NAV2: variants seen among roughly 807,000 people sequenced by gnomAD.
NAV2 encodes the protein neuron navigator 2, also known as helicase, APC down-regulated 1.
In NAV2, 54 loss-of-function variants were observed where a neutral mutation model predicts 223.2. That is an observed-to-expected ratio of 0.24 (90% confidence interval 0.19 to 0.30). NAV2 has a LOEUF of 0.30. NAV2 is among the 10% of genes least tolerant of loss of function. The probability of loss-of-function intolerance (pLI) is 1.00; values close to 1 mark genes in which losing one functional copy is unlikely to be tolerated. For missense variants in NAV2, 2,806 were observed against 3,147.5 expected (o/e 0.89, Z 2.60); for synonymous variants, 1,279 against 1,239.3 (o/e 1.03, Z -0.67).
chr11:20,046,354 A>T (rs548491777), intron 14 of NAV2, among the ~76,000 whole-genome samples: 1 of 151,934 alleles, frequency 6.6e-6, no homozygotes, highest in Admixed American at 6.6e-5. Flanking sequence ...AAAAAAAAGA[A>T]GTTAGCTACC....
At chr11:19,621,881 C>T (rs939065692) in intron 1 of NAV2, among the ~76,000 whole-genome samples, 6 of 152,198 alleles carry the variant, frequency 3.9e-5, no homozygotes, top group Non-Finnish European at 7.4e-5. Flanking sequence ...CTGCTTTCTC[C>T]TGTGGGTATT....
chr11:19,752,774 A>G (rs980093148), intron 1 of NAV2, among the ~76,000 whole-genome samples: 26 of 152,140 alleles, frequency 1.7e-4, no homozygotes, highest in Admixed American at 4.6e-4. Context: ...GGGATTTCTC[A>G]TTGGTAAGTA....
chr11:19,711,575 G>A (rs968681735), upstream of NAV2: 1 of 152,234 alleles, frequency 6.6e-6, no homozygotes, highest in African/African-American at 2.4e-5. Context: ...ATGAATTCCA[G>A]GGGGACAGAG....
At chr11:19,488,609 T>C (rs1200465470) in intron 1 of NAV2, among the ~76,000 whole-genome samples, 1 of 152,212 alleles carries the variant, frequency 6.6e-6, no homozygotes, top group Non-Finnish European at 1.5e-5. Context: ...TACCTCTAAA[T>C]TGGGGATCGT....
At chr11:19,787,651 T>G (rs2057232743) in intron 1 of NAV2, among the ~76,000 whole-genome samples, 1 of 152,150 alleles carries the variant, frequency 6.6e-6, no homozygotes, top group Admixed American at 6.5e-5. Context: ...TTAAGAGGTG[T>G]GTATGCGATA....
intron 1 of NAV2, among the ~76,000 whole-genome samples, chr11:19,422,938 C>T (rs956028484): frequency 6.6e-6 from 1 of 152,218 alleles, no homozygotes; most frequent in South Asian, 2.1e-4. Flanking sequence ...GAGACTTCCT[C>T]TCTCTTGGCC....
chr11:19,567,605 C>G (rs556192123), intron 1 of NAV2, among the ~76,000 whole-genome samples: 1 of 152,148 alleles, frequency 6.6e-6, no homozygotes, highest in Non-Finnish European at 1.5e-5. Flanking sequence ...AGCTCTAAGA[C>G]TCTTGGTGAG....
chr11:19,623,205 C>T (rs191913995), intron 1 of NAV2, among the ~76,000 whole-genome samples: 88 of 152,242 alleles, frequency 5.8e-4, no homozygotes, highest in African/African-American at 1.8e-3. Flanking sequence ...ACATTTTTTC[C>T]TTCATTTCAA....
At chr11:19,953,858 C>CTCGCGT (rs1555167223) in intron 10 of NAV2, among the ~76,000 whole-genome samples, 6 of 150,522 alleles carry the variant, frequency 4.0e-5, no homozygotes, top group Non-Finnish European at 8.9e-5. Context: ...CACGCGCGCG[C>CTCGCGT]GTGTGTGTGT....
intron 1 of NAV2, among the ~76,000 whole-genome samples, chr11:19,576,975 A>G (rs2045588671): frequency 6.6e-6 from 1 of 152,174 alleles, no homozygotes; most frequent in African/African-American, 2.4e-5. Flanking sequence ...TTCCTTGTTC[A>G]CTAAGGAATT....
At chr11:19,975,792 G>C (rs1217605615) in intron 10 of NAV2, among the ~76,000 whole-genome samples, 1 of 152,208 alleles carries the variant, frequency 6.6e-6, no homozygotes, top group Non-Finnish European at 1.5e-5. Context: ...GCTCAGCCAG[G>C]ATCTACTTCT....
intron 4 of NAV2, among the ~76,000 whole-genome samples, chr11:19,878,192 C>T (rs771749451): frequency 3.3e-5 from 5 of 152,146 alleles, no homozygotes; most frequent in Non-Finnish European, 5.9e-5. Context: ...CTCCCCACTC[C>T]CTGGCTTTCA....
intron 1 of NAV2, among the ~76,000 whole-genome samples, chr11:19,769,737 G>A (rs559672036): frequency 6.6e-6 from 1 of 151,664 alleles, no homozygotes; most frequent in African/African-American, 2.4e-5. Flanking sequence ...GGTTTCCCAA[G>A]CCTCCCATCA....
intron 1 of NAV2, among the ~76,000 whole-genome samples, chr11:19,638,663 C>T (rs1384143990): frequency 6.6e-6 from 1 of 152,126 alleles, no homozygotes; most frequent in East Asian, 1.9e-4. Flanking sequence ...TAAGGTCCTG[C>T]AAAGTTAGAA....
At chr11:19,876,616 T>C (rs539013322) in intron 4 of NAV2, among the ~76,000 whole-genome samples, 62 of 152,268 alleles carry the variant, frequency 4.1e-4, no homozygotes, top group African/African-American at 1.5e-3. Context: ...ACAATGGCCA[T>C]TCTGATCAAT....
At chr11:19,510,179 G>T (rs2043235499) in intron 1 of NAV2, among the ~76,000 whole-genome samples, 1 of 152,196 alleles carries the variant, frequency 6.6e-6, no homozygotes, top group African/African-American at 2.4e-5. Context: ...TCTGTGAGGG[G>T]ATGAGGGAAA....
intron 1 of NAV2, among the ~76,000 whole-genome samples, chr11:19,473,410 C>G (rs901122573): frequency 6.6e-6 from 1 of 152,054 alleles, no homozygotes; most frequent in Non-Finnish European, 1.5e-5. Flanking sequence ...AAGTGCATAT[C>G]CAATGACCTC....
intron 2 of NAV2, among the ~76,000 whole-genome samples, chr11:19,836,658 CT>C (rs1450072933): frequency 1.2e-4 from 18 of 151,966 alleles, no homozygotes; most frequent in African/African-American, 4.4e-4. Flanking sequence ...TGATGGGCAG[CT>C]TACTACCTTT....
At chr11:19,991,898 CCTT>C (rs963247214) in intron 11 of NAV2, among the ~76,000 whole-genome samples, 2 of 152,082 alleles carry the variant, frequency 1.3e-5, no homozygotes, top group African/African-American at 4.8e-5. Flanking sequence ...CATTCCCAGC[CCTT>C]CCCCTCTCTT....
Sources: allele counts gnomAD v4.1 joint callset (sites outside exome capture counted in the v4.1 genomes callset), GRCh38; gene constraint gnomAD v4.1.1; transcripts MANE v1.5; gene names NCBI Gene and HGNC (gene_info 2026-07-23, HGNC 2026-07-21).